The following LOC114841035 variants were observed in gnomAD, a reference collection of about 807,000 sequenced individuals.
chr11:64,243,709 C>T, the LOC114841035 span: 1 of 1,337,968 alleles, frequency 7.5e-7, no homozygotes, highest in Non-Finnish European at 1.1e-6. Context: ...AGGCCTTTGG[C>T]ACCCCCTTCC....
the LOC114841035 span, chr11:64,242,552 C>T: frequency 6.5e-7 from 1 of 1,541,294 alleles, no homozygotes; most frequent in Non-Finnish European, 8.7e-7. Context: ...TGCACATGCA[C>T]TACACGGTGA....
At chr11:64,242,971 C>T in the LOC114841035 span, among the ~76,000 whole-genome samples, 2 of 152,186 alleles carry the variant, frequency 1.3e-5, no homozygotes, top group African/African-American at 4.8e-5. Context: ...ACTTGGGAGG[C>T]TGAGGTGGAA....
the LOC114841035 span, chr11:64,242,587 G>A: frequency 6.6e-7 from 1 of 1,524,952 alleles, no homozygotes; most frequent in Non-Finnish European, 8.8e-7. Context: ...CCTTTTGGGA[G>A]TGGGTGGGGC....
the LOC114841035 span, chr11:64,243,884 A>G: frequency 3.1e-6 from 5 of 1,613,812 alleles, no homozygotes; most frequent in East Asian, 6.7e-5. Context: ...CAGGTAGTAA[A>G]CCTTTTGATA....
chr11:64,243,727 A>T, the LOC114841035 span: 6 of 1,449,816 alleles, frequency 4.1e-6, no homozygotes, highest in Non-Finnish European at 5.8e-6. Flanking sequence ...TCCCATCTCC[A>T]TTACCCTTCT....
chr11:64,243,719 C>G, the LOC114841035 span: 1 of 1,392,392 alleles, frequency 7.2e-7, no homozygotes, highest in Non-Finnish European at 1.0e-6. Flanking sequence ...CACCCCCTTC[C>G]CATCTCCATT....
At chr11:64,242,641 C>A in the LOC114841035 span, 3 of 1,424,810 alleles carry the variant, frequency 2.1e-6, no homozygotes, top group Non-Finnish European at 2.8e-6. Flanking sequence ...TCTCCATAAG[C>A]CAGGTAGGTG....
the LOC114841035 span, chr11:64,242,316 T>C: frequency 1.4e-6 from 2 of 1,391,726 alleles, no homozygotes; most frequent in Non-Finnish European, 1.9e-6. Context: ...TCCTGTTACC[T>C]ACCCGTGTTC....
the LOC114841035 span, chr11:64,242,359 G>T: frequency 6.8e-7 from 1 of 1,471,578 alleles, no homozygotes; most frequent in South Asian, 1.4e-5. Flanking sequence ...ACGTTCAGTC[G>T]GTCGGTCGGG....
the LOC114841035 span, chr11:64,242,521 A>C: frequency 6.4e-7 from 1 of 1,551,488 alleles, no homozygotes; most frequent in South Asian, 1.2e-5. Context: ...TGTCCCATCA[A>C]ATCGCGCAAA....
At chr11:64,243,061 C>G in the LOC114841035 span, 1 of 715,200 alleles carries the variant, frequency 1.4e-6, no homozygotes. Context: ...AACAGAGACT[C>G]CATCTCAAAA....
the LOC114841035 span, chr11:64,242,376 G>A: frequency 1.1e-5 from 17 of 1,513,240 alleles, no homozygotes; most frequent in Middle Eastern, 1.8e-4. Context: ...CGGGGTCTGT[G>A]CCCACAGAGA....
the LOC114841035 span, chr11:64,244,038 G>A: frequency 6.2e-7 from 1 of 1,613,744 alleles, no homozygotes; most frequent in South Asian, 1.1e-5. Context: ...AACCAGACTG[G>A]GGAGGGGCAG....
At chr11:64,242,652 AC>A in the LOC114841035 span, 1 of 1,367,606 alleles carries the variant, frequency 7.3e-7, no homozygotes, top group Non-Finnish European at 9.7e-7. Context: ...CAGGTAGGTG[AC>A]CTTGGGCAAG....
the LOC114841035 span, chr11:64,242,570 G>C: frequency 6.5e-7 from 1 of 1,530,004 alleles, no homozygotes; most frequent in Non-Finnish European, 8.7e-7. Flanking sequence ...TGAGTGGGTT[G>C]GGCGGGCCTT....
At chr11:64,243,232 A>C in the LOC114841035 span, 1 of 1,613,730 alleles carries the variant, frequency 6.2e-7, no homozygotes, top group South Asian at 1.1e-5. Flanking sequence ...GTTTGACAGC[A>C]GCCTGCCCCA....
chr11:64,242,840 C>A, the LOC114841035 span, among the ~76,000 whole-genome samples: 1 of 152,150 alleles, frequency 6.6e-6, no homozygotes, highest in African/African-American at 2.4e-5. Context: ...CTTTGGGAGG[C>A]CGAGGCGGGT....
chr11:64,242,521 A>T, the LOC114841035 span: 1 of 1,551,488 alleles, frequency 6.4e-7, no homozygotes. Context: ...TGTCCCATCA[A>T]ATCGCGCAAA....
At chr11:64,243,674 G>A in the LOC114841035 span, 2 of 1,159,490 alleles carry the variant, frequency 1.7e-6, no homozygotes, top group East Asian at 2.4e-5. Context: ...GCACTCAGCT[G>A]TAGTGGCCCC....
Sources: allele counts gnomAD v4.1 joint callset (sites outside exome capture counted in the v4.1 genomes callset), GRCh38; gene constraint gnomAD v4.1.1; transcripts MANE v1.5.